Variants in UMAD1 observed in about 807,000 individuals in gnomAD.
UMAD1 encodes the protein UBAP1-MVB12-associated (UMA) domain containing 1.
A neutral mutation model predicts 6.1 loss-of-function variants in UMAD1; 8 were observed. The observed-to-expected ratio is 1.30, with a 90% CI of 0.76 to 2.35. The LOEUF is 2.35. Ranked by LOEUF, UMAD1 falls within the 30% of genes most tolerant of loss-of-function variation. The pLI is 0.00. For missense variants in UMAD1, 130 were observed against 78.4 expected (o/e 1.66, Z -2.49); for synonymous variants, 56 against 31.4 (o/e 1.78, Z -2.61).
chr7:7,854,456 C>T (rs1318981574), intron 3 of UMAD1, among the ~76,000 whole-genome samples: 1 of 151,150 alleles, frequency 6.6e-6, no homozygotes, highest in African/African-American at 2.4e-5. Flanking sequence ...GCAGAAGATA[C>T]CTCTTTATGA....
chr7:7,797,002 A>C (rs924541557), intron 2 of UMAD1, among the ~76,000 whole-genome samples: 1 of 152,172 alleles, frequency 6.6e-6, no homozygotes, highest in African/African-American at 2.4e-5. Flanking sequence ...TTATGTTGCT[A>C]TAAAGGAATA....
chr7:7,716,620 A>G (rs994881955), intron 2 of UMAD1, among the ~76,000 whole-genome samples: 1 of 152,250 alleles, frequency 6.6e-6, no homozygotes, highest in Non-Finnish European at 1.5e-5. Context: ...CTGGCCAGGT[A>G]GCAAACCCAT....
At chr7:7,653,475 AAAAC>A (rs1222641776) in intron 1 of UMAD1, among the ~76,000 whole-genome samples, 2 of 152,190 alleles carry the variant, frequency 1.3e-5, no homozygotes, top group Admixed American at 6.5e-5. Flanking sequence ...CTTTAGGAAA[AAAAC>A]TGTGGTTTTC....
intron 2 of UMAD1, among the ~76,000 whole-genome samples, chr7:7,762,255 A>C (rs148557903): frequency 6.7e-4 from 102 of 152,304 alleles, no homozygotes; most frequent in African/African-American, 2.3e-3. Context: ...GAGAACTTTC[A>C]AACAAAATAA....
intron 3 of UMAD1, among the ~76,000 whole-genome samples, chr7:7,855,219 C>T (rs1202619214): frequency 2.0e-5 from 3 of 152,158 alleles, no homozygotes; most frequent in Non-Finnish European, 2.9e-5. Context: ...TCTGGAGGAT[C>T]GTGGTTCTCT....
At chr7:7,870,778 C>T (rs146459485) in intron 3 of UMAD1, among the ~76,000 whole-genome samples, 2 of 152,322 alleles carry the variant, frequency 1.3e-5, no homozygotes, top group African/African-American at 4.8e-5. Flanking sequence ...ACTCACCCTG[C>T]TGCCAAGAGG....
At chr7:7,831,984 T>G (rs1473015071) in intron 3 of UMAD1, among the ~76,000 whole-genome samples, 1 of 152,196 alleles carries the variant, frequency 6.6e-6, no homozygotes, top group Non-Finnish European at 1.5e-5. Flanking sequence ...TGCAATTAGA[T>G]GTGTATGCAG....
intron 2 of UMAD1, among the ~76,000 whole-genome samples, chr7:7,749,959 G>C (rs1032854791): frequency 6.6e-6 from 1 of 152,070 alleles, no homozygotes; most frequent in South Asian, 2.1e-4. Flanking sequence ...CTCAGTCCAA[G>C]ACAAGGTCAG....
intron 2 of UMAD1, among the ~76,000 whole-genome samples, chr7:7,777,320 C>A (rs938885760): frequency 1.3e-5 from 2 of 151,480 alleles, no homozygotes; most frequent in Non-Finnish European, 1.5e-5. Flanking sequence ...GCCTGGCCAA[C>A]ATGGTGAAAC....
chr7:7,794,575 C>T (rs1782635964), intron 2 of UMAD1, among the ~76,000 whole-genome samples: 1 of 152,128 alleles, frequency 6.6e-6, no homozygotes, highest in Non-Finnish European at 1.5e-5. Context: ...GAGCAACTGA[C>T]TAGCATTAAT....
At chr7:7,835,004 C>T (rs1783539220) in intron 3 of UMAD1, among the ~76,000 whole-genome samples, 1 of 152,182 alleles carries the variant, frequency 6.6e-6, no homozygotes, top group Non-Finnish European at 1.5e-5. Flanking sequence ...TGAGAACTCA[C>T]TATCACAAGA....
chr7:7,697,353 C>G (rs112013602), intron 2 of UMAD1, among the ~76,000 whole-genome samples: 1 of 152,142 alleles, frequency 6.6e-6, no homozygotes. Context: ...CAAGTTGCAG[C>G]ATTTAATTTG....
At chr7:7,645,830 T>TA (rs1248055050) in intron 1 of UMAD1, among the ~76,000 whole-genome samples, 2 of 151,942 alleles carry the variant, frequency 1.3e-5, no homozygotes, top group Non-Finnish European at 2.9e-5. Flanking sequence ...TTTTTTTTTT[T>TA]AATCTATGTT....
chr7:7,701,809 G>T (rs146129693), intron 2 of UMAD1, among the ~76,000 whole-genome samples: 195 of 152,242 alleles, frequency 1.3e-3, no homozygotes, highest in African/African-American at 4.3e-3. Context: ...ATTTACCCAT[G>T]TCTCGGATGA....
intron 3 of UMAD1, among the ~76,000 whole-genome samples, chr7:7,846,248 C>T (rs1370177089): frequency 6.6e-6 from 1 of 152,076 alleles, no homozygotes; most frequent in African/African-American, 2.4e-5. Context: ...CATAATATCT[C>T]ATAGTGTCCA....
At chr7:7,737,388 C>T (rs147618269) in intron 2 of UMAD1, among the ~76,000 whole-genome samples, 63 of 152,304 alleles carry the variant, frequency 4.1e-4, no homozygotes, top group African/African-American at 1.5e-3. Flanking sequence ...AGAAGTTTCC[C>T]CTTCTCTCCA....
chr7:7,856,312 T>C (rs1784016822), intron 3 of UMAD1, among the ~76,000 whole-genome samples: 1 of 152,228 alleles, frequency 6.6e-6, no homozygotes, highest in Non-Finnish European at 1.5e-5. Flanking sequence ...CAGATCTGCA[T>C]GGCTGGGAGG....
intron 3 of UMAD1, among the ~76,000 whole-genome samples, chr7:7,833,221 T>C (rs1783498282): frequency 6.6e-6 from 1 of 152,072 alleles, no homozygotes; most frequent in African/African-American, 2.4e-5. Context: ...GGCCTCACCA[T>C]GCCAGATGAA....
rs112368484 is a variant in UMAD1, at chr7:7,874,554, C to T, written c.157-2727C>T. On this transcript the variant is annotated intron_variant, in intron 3 of 3. Coordinates refer to ENST00000682710, the MANE Select transcript of UMAD1 (RefSeq NM_001302348.2). ...AAATCAGGCCGGGCACAGTGGCTCACGCCTGTAATCCCAGCACTTTGGGAG... is the reference window on the plus strand; with the variant it reads ...AAATCAGGCCGGGCACAGTGGCTCATGCCTGTAATCCCAGCACTTTGGGAG... 4.7e-4 allele frequency among the ~76,000 whole-genome samples: 72 copies of T among 152,234 alleles called. 1 individual carries two copies. Among genetic ancestry groups the T allele is most frequent in the Middle Eastern group, 6.8e-3 (2 of 294 alleles).
Sources: gnomAD v4.1 joint callset for allele counts (sites outside exome capture counted in the v4.1 genomes callset) on GRCh38, gnomAD v4.1.1 for gene constraint, MANE v1.5 for transcripts, NCBI Gene and HGNC (gene_info 2026-07-23, HGNC 2026-07-21) for gene names.